The following EDEM3 variants were observed in gnomAD, a reference collection of about 807,000 sequenced individuals.
EDEM3 encodes ER degradation enhancing alpha-mannosidase like protein 3.
EDEM3 carries 60 observed loss-of-function variants against 110.2 expected under a neutral mutation model. The observed-to-expected ratio is 0.54, with a 90% CI of 0.44 to 0.67. The LOEUF (loss-of-function observed/expected upper bound fraction) is 0.67. EDEM3 is among the 30% of genes least tolerant of loss of function. EDEM3 has a pLI of 0.00. For synonymous variants in EDEM3, 352 were observed against 382.9 expected (o/e 0.92, Z 0.94); for missense variants, 996 against 1,121.0 (o/e 0.89, Z 1.59).
chr1:184,692,447 C>T lies in EDEM3; in HGVS notation c.*1616G>A, dbSNP rs1197724389. ...GAATATCTGAATGCAGGTATTTATC[C>T]TCTCAGAAAAGAATATGTTTACCTG... On this transcript the variant is annotated 3_prime_UTR_variant, in exon 20 of 20. Coordinates refer to ENST00000318130, the MANE Select transcript of EDEM3 (RefSeq NM_025191.4). 2.0e-5 allele frequency: 3 copies of T among 152,046 alleles called. No homozygotes were observed. The highest frequency in any genetic ancestry group is 4.4e-5 in the Non-Finnish European group (3 of 67,994). 9.4% of individuals were successfully genotyped at this position (152,046 alleles called of 1,614,324 possible).
At chr1:184,726,605 T>C (rs1414525309) in intron 6 of EDEM3, among the ~76,000 whole-genome samples, 1 of 152,244 alleles carries the variant, frequency 6.6e-6, no homozygotes, top group Non-Finnish European at 1.5e-5. Flanking sequence ...AAGCTTTTAT[T>C]TCATTCCATC....
intron 15 of EDEM3, among the ~76,000 whole-genome samples, chr1:184,710,822 T>A (rs968320957): frequency 6.6e-6 from 1 of 152,194 alleles, no homozygotes; most frequent in African/African-American, 2.4e-5. Flanking sequence ...AGAACAAGTT[T>A]GCTTGGGGAT....
chr1:184,691,227 T>C lies in EDEM3; in HGVS notation c.*2836A>G, dbSNP rs2102045264. ...CCCATACCAAACATATCTAGTAAAT[T>C]ACAATTCTTTCACACTTAAAACTTT... On this transcript the variant is annotated 3_prime_UTR_variant, in exon 20 of 20. Coordinates refer to ENST00000318130, the MANE Select transcript of EDEM3 (RefSeq NM_025191.4). 6.6e-6 allele frequency: 1 copy of C among 152,658 alleles called. No homozygotes were observed. Among genetic ancestry groups the C allele is most frequent in the East Asian group, 1.9e-4 (1 of 5,180 alleles). 9.5% of individuals were successfully genotyped at this position (152,658 alleles called of 1,614,324 possible).
chr1:184,700,342 T>C (rs902768190), intron 19 of EDEM3, among the ~76,000 whole-genome samples: 3 of 151,952 alleles, frequency 2.0e-5, no homozygotes, highest in Non-Finnish European at 4.4e-5. Flanking sequence ...AAATACGTAT[T>C]TGTGGAATGA....
intron 14 of EDEM3, 38 bp from the exon 15 acceptor site, chr1:184,711,915 T>C (rs768080112): frequency 8.5e-6 from 13 of 1,526,550 alleles, no homozygotes; most frequent in African/African-American, 1.4e-5. Context: ...CAGAAATAAT[T>C]ATTTTACTTA....
intron 2 of EDEM3, among the ~76,000 whole-genome samples, chr1:184,744,704 A>G (rs867555902): frequency 2.6e-5 from 4 of 152,098 alleles, no homozygotes; most frequent in Non-Finnish European, 4.4e-5. Flanking sequence ...ATTATGTTCA[A>G]TCAAATCAAC....
At chr1:184,730,955 G>A (rs1443794843) in intron 6 of EDEM3, among the ~76,000 whole-genome samples, 1 of 151,414 alleles carries the variant, frequency 6.6e-6, no homozygotes, top group African/African-American at 2.4e-5. Flanking sequence ...GGAAATAAGA[G>A]AGAATGTCAG....
rs1649012991 is a variant in EDEM3 at position 184,690,448 on chromosome 1, C to CATAAA, written c.*3610_*3614dup. The CATAAA allele has an allele frequency of 6.6e-6, 1 of 151,516 alleles. No individual in the cohort carries two copies. The highest frequency in any genetic ancestry group is 2.4e-5 in the African/African-American group (1 of 41,104). 9.4% of individuals were successfully genotyped at this position (151,516 alleles called of 1,614,324 possible). The stretch of plus-strand genomic sequence containing the variant: ...GAAAACAGAGTGATAAACATCAAGA[C>CATAAA]ATAAAAGTATGAGGATATGCACAGT... On this transcript the variant is annotated 3_prime_UTR_variant, in exon 20 of 20. Coordinates refer to ENST00000318130, the MANE Select transcript of EDEM3 (RefSeq NM_025191.4).
intron 7 of EDEM3, 105 bp downstream of exon 7, chr1:184,726,150 A>T (rs901493699): frequency 7.1e-7 from 1 of 1,410,692 alleles, no homozygotes; most frequent in Admixed American, 2.3e-5. Flanking sequence ...GTTCACTAAA[A>T]TAACAGTAAT....
intron 7 of EDEM3, 59 bp downstream of exon 7, chr1:184,726,196 G>A: frequency 6.5e-7 from 1 of 1,546,116 alleles, no homozygotes; most frequent in Non-Finnish European, 8.8e-7. Flanking sequence ...AACCAATGAA[G>A]AAGATATAAA....
At chr1:184,700,408 T>C (rs1427808586) in intron 19 of EDEM3, among the ~76,000 whole-genome samples, 2 of 152,006 alleles carry the variant, frequency 1.3e-5, no homozygotes, top group African/African-American at 4.8e-5. Context: ...TTAAGGATGT[T>C]GTTACTTAGT....
At chr1:184,714,142 G>T (rs1362543616) in intron 13 of EDEM3, among the ~76,000 whole-genome samples, 1 of 152,130 alleles carries the variant, frequency 6.6e-6, no homozygotes, top group Non-Finnish European at 1.5e-5. Context: ...AGATGAGCAG[G>T]ATACTGATAA....
At chr1:184,702,606 C>T (rs1186547931) in intron 19 of EDEM3, among the ~76,000 whole-genome samples, 1 of 152,106 alleles carries the variant, frequency 6.6e-6, no homozygotes, top group African/African-American at 2.4e-5. Context: ...TGTCTAAAAA[C>T]ATCCTAACTC....
At chr1:184,740,231 A>G (rs895345514) in intron 2 of EDEM3, among the ~76,000 whole-genome samples, 6 of 152,278 alleles carry the variant, frequency 3.9e-5, no homozygotes, top group African/African-American at 1.4e-4. Flanking sequence ...AGGTAATACT[A>G]ACTCCCTGCA....
chr1:184,719,705 T>C, intron 9 of EDEM3, 137 bp from the exon 10 acceptor site: 2 of 850,304 alleles, frequency 2.4e-6, no homozygotes, highest in Non-Finnish European at 3.4e-6. Flanking sequence ...TTTATATAAA[T>C]ATTTAAGTTA....
At chr1:184,718,336 T>C (rs1336658597) in intron 11 of EDEM3, among the ~76,000 whole-genome samples, 1 of 152,004 alleles carries the variant, frequency 6.6e-6, no homozygotes, top group Non-Finnish European at 1.5e-5. Context: ...AACAAAAACT[T>C]TTATGGGAGC....
intron 2 of EDEM3, among the ~76,000 whole-genome samples, chr1:184,746,507 T>C (rs1295828264): frequency 6.6e-6 from 1 of 152,240 alleles, no homozygotes; most frequent in Non-Finnish European, 1.5e-5. Flanking sequence ...ATTTGCCAGA[T>C]ATTAGTTCTA....
chr1:184,703,055 TA>T (rs771479179), intron 18 of EDEM3, 59 bp from the exon 19 acceptor site: 44 of 1,246,302 alleles, frequency 3.5e-5, no homozygotes, highest in Non-Finnish European at 4.3e-5. Flanking sequence ...AAGATCTATC[TA>T]CTAATTGTTA....
At position 184,723,661 on chromosome 1, in the gene EDEM3, C is replaced by A; in HGVS notation, c.853+90G>T. 3.8e-6 allele frequency: 4 copies of A among 1,053,374 alleles called. No homozygotes were observed. The South Asian group carries it at 5.7e-5, about 15-fold the overall frequency. The allele number at this position is 1,053,374 out of a possible 1,614,324, so 65.3% of individuals were successfully genotyped here. Reference sequence around the variant, plus strand: ...TGTGAGAACCTATGCTTTATAGTATCCCAAAGATTATTTTAACAAATGAAA... The same window carrying A: ...TGTGAGAACCTATGCTTTATAGTATACCAAAGATTATTTTAACAAATGAAA... On this transcript the variant is annotated intron_variant, in intron 8 of 19. Coordinates refer to ENST00000318130, the MANE Select transcript of EDEM3 (RefSeq NM_025191.4).
Sources: allele counts gnomAD v4.1 joint callset (sites outside exome capture counted in the v4.1 genomes callset), GRCh38; gene constraint gnomAD v4.1.1; transcripts MANE v1.5; gene names NCBI Gene and HGNC (gene_info 2026-07-23, HGNC 2026-07-21).